AACS: variants seen among roughly 807,000 people sequenced by gnomAD.
AACS encodes acetoacetate-CoA ligase.
Under a neutral mutation model 83.1 loss-of-function variants are expected in AACS, and 69 were observed. That is an observed-to-expected ratio of 0.83 (90% CI 0.68 to 1.01). AACS has a LOEUF of 1.01. Ranked by LOEUF, AACS falls within the 50% of genes least tolerant of loss-of-function variation. AACS has a pLI of 0.00. For missense variants in AACS, 866 were observed against 882.2 expected (o/e 0.98, Z 0.23); for synonymous variants, 333 against 343.4 (o/e 0.97, Z 0.33).
chr12:125,099,382 CTT>C (rs1411205025), intron 5 of AACS, among the ~76,000 whole-genome samples: 1 of 152,204 alleles, frequency 6.6e-6, no homozygotes, highest in Non-Finnish European at 1.5e-5. Context: ...TGTGGTGCTG[CTT>C]TTTGAATAAA....
chr12:125,121,400 C>T (rs56662928), intron 10 of AACS: 19,392 of 152,126 alleles, frequency 0.13, 2,612 homozygotes, highest in African/African-American at 0.34. Context: ...AAGAGGCATG[C>T]GGGGCAGGCA....
intron 9 of AACS, among the ~76,000 whole-genome samples, chr12:125,115,842 C>A (rs1957043949): frequency 6.6e-6 from 1 of 152,034 alleles, no homozygotes; most frequent in Non-Finnish European, 1.5e-5. Context: ...GGGGGACAGA[C>A]CCCTGGGATT....
rs145556620 is a variant in AACS at position 125,141,806 on chromosome 12, G to A, written c.1882-286G>A. 8.5e-3 allele frequency: 2,948 copies of A among 345,384 alleles called. 21 individuals carry two copies. Among genetic ancestry groups the A allele is most frequent in the Non-Finnish European group, 0.012 (2,263 of 190,246 alleles). 21.4% of individuals were successfully genotyped at this position (345,384 alleles called of 1,614,324 possible). ...TTTCTCAACAGCCGTGCCAGGGGGC[G>A]GGGGTGGGGTGTGGAGAGTGTTAGA... On this transcript the variant is annotated intron_variant, in intron 17 of 17. Coordinates refer to ENST00000316519, the MANE Select transcript of AACS (RefSeq NM_023928.5).
intron 1 of AACS, among the ~76,000 whole-genome samples, chr12:125,067,954 T>C (rs1420779056): frequency 6.6e-6 from 1 of 152,172 alleles, no homozygotes; most frequent in East Asian, 1.9e-4. Flanking sequence ...ACCTGAGTCA[T>C]TGAGTGGGTG....
intron 4 of AACS, among the ~76,000 whole-genome samples, chr12:125,089,738 C>T (rs139967202): frequency 6.0e-4 from 91 of 151,998 alleles, no homozygotes; most frequent in African/African-American, 2.1e-3. Context: ...TCCTTCTCTC[C>T]ACCTACCCAT....
Position 125,103,096 on chromosome 12 carries a change from T to G in AACS, c.767+15T>G. ...ATTCCAAACAGGTAATGTACCGCAT[T>G]CTGACCCACAGGTCCGTGTGGACCC... On this transcript the variant is annotated intron_variant, in intron 7 of 17. Transcript: ENST00000316519. 1 of 1,611,280 alleles carries G rather than the reference T, an allele frequency of 6.2e-7. No individual in the cohort carries two copies. Among genetic ancestry groups the G allele is most frequent in the Non-Finnish European group, 8.5e-7 (1 of 1,178,548 alleles).
rs772557795 is a variant in AACS at position 125,065,569 on chromosome 12, G to GCCGC, written c.-10_-7dup. 4.0e-6 allele frequency: 6 copies of GCCGC among 1,501,402 alleles called. No homozygotes were observed. The Admixed American group carries it at 1.3e-4, about 34-fold the overall frequency. 93.0% of individuals were successfully genotyped at this position (1,501,402 alleles called of 1,614,324 possible). A position where few individuals can be genotyped will look rare whatever the true frequency, so the allele number is the denominator to read the frequency against. On this transcript the variant is annotated 5_prime_UTR_variant, in exon 1 of 18. Transcript: ENST00000316519. ...GTCCCCAGCCCTCGTCGCAGCCCCG[G>GCCGC]CCGCCCGCCGCCGCCATGTCCAAGG...
chr12:125,102,562 TC>T (rs1320354035), intron 5 of AACS, 116 bp from the exon 6 acceptor site: 2 of 843,942 alleles, frequency 2.4e-6, no homozygotes, highest in African/African-American at 3.3e-5. Flanking sequence ...ACTCCTGGGC[TC>T]AAGCAATCCT....
chr12:125,089,419 C>T (rs1396561285), intron 4 of AACS, among the ~76,000 whole-genome samples: 1 of 152,168 alleles, frequency 6.6e-6, no homozygotes, highest in African/African-American at 2.4e-5. Flanking sequence ...GTTCATGGCC[C>T]TTCGTCTCGT....
Position 125,140,748 on chromosome 12 carries a change from A to C in AACS, c.1882-1344A>C, listed in dbSNP as rs1487277797. The C allele has an allele frequency of 6.6e-6, 1 of 152,044 alleles. No individual in the cohort carries two copies. The highest frequency in any genetic ancestry group is 2.4e-5 in the African/African-American group (1 of 41,384). 9.4% of individuals were successfully genotyped at this position (152,044 alleles called of 1,614,324 possible). ...GAAACACATGTGCCATAAATCTTGG[A>C]GCTCTGAATGTTTGGAAAGGGCCCG... On this transcript the variant is annotated intron_variant, in intron 17 of 17. Transcript: ENST00000316519. The surrounding 1 kb of genome is among the most constrained non-coding windows in gnomAD (Gnocchi z 5.1).
chr12:125,114,658 C>T (rs1427512120), intron 9 of AACS, 101 bp downstream of exon 9: 33 of 932,142 alleles, frequency 3.5e-5, no homozygotes, highest in Non-Finnish European at 7.5e-6. Flanking sequence ...GGCGCCGGCC[C>T]GTGGCACATG....
intron 5 of AACS, among the ~76,000 whole-genome samples, chr12:125,092,221 A>G (rs1956501342): frequency 6.6e-6 from 1 of 152,226 alleles, no homozygotes; most frequent in African/African-American, 2.4e-5. Flanking sequence ...TTCAGGAGCC[A>G]TGAGAACCTG....
chr12:125,068,905 T>C (rs551538529), intron 1 of AACS, among the ~76,000 whole-genome samples: 30 of 151,662 alleles, frequency 2.0e-4, no homozygotes, highest in African/African-American at 6.8e-4. Flanking sequence ...GGTGGCGCGA[T>C]CTCGGCTTAC....
At chr12:125,128,315 G>A (rs747298633) in intron 13 of AACS, 41 bp downstream of exon 13, 1 of 1,565,572 alleles carries the variant, frequency 6.4e-7, no homozygotes, top group East Asian at 2.3e-5. Flanking sequence ...GATTAGGCGT[G>A]AGTTGGGAGT....
At chr12:125,074,843 T>C (rs1177464708) in intron 2 of AACS, among the ~76,000 whole-genome samples, 4 of 151,718 alleles carry the variant, frequency 2.6e-5, no homozygotes, top group Admixed American at 2.6e-4. Flanking sequence ...TTTGTATTTT[T>C]AGTAGAGACA....
Position 125,086,321 on chromosome 12 carries a change from T to C in AACS, c.359-9T>C, listed in dbSNP as rs745525372. 6.2e-7 allele frequency: 1 copy of C among 1,613,274 alleles called. No individual in the cohort carries two copies. Among genetic ancestry groups the C allele is most frequent in the Non-Finnish European group, 8.5e-7 (1 of 1,179,450 alleles). ...GTCTGTGTACAATTTACCCTTTTTC[T>C]CTTCCCAGGGGAAGGCAAAGAGGAA... On this transcript the variant is annotated splice_polypyrimidine_tract_variant and intron_variant, in intron 3 of 17. Transcript: ENST00000316519.
At chr12:125,101,496 A>T (rs1306014245) in intron 5 of AACS, 1 of 152,156 alleles carries the variant, frequency 6.6e-6, no homozygotes, top group East Asian at 1.9e-4. Context: ...GTTCCTCTTT[A>T]ATTGAAGATT....
chr12:125,091,644 G>T (rs879657007), intron 5 of AACS, 121 bp downstream of exon 5: 15 of 980,500 alleles, frequency 1.5e-5, no homozygotes, highest in Non-Finnish European at 2.4e-5. Context: ...GGAGGAGGTG[G>T]CGTTGCAGCT....
At chr12:125,083,543 C>G (rs951729207) in intron 3 of AACS, among the ~76,000 whole-genome samples, 1 of 151,446 alleles carries the variant, frequency 6.6e-6, no homozygotes, top group African/African-American at 2.4e-5. Flanking sequence ...GGTGGTTGAT[C>G]GTTTTTTTTT....
Sources: allele counts gnomAD v4.1 joint callset (sites outside exome capture counted in the v4.1 genomes callset), GRCh38; gene constraint gnomAD v4.1.1; non-coding constraint Gnocchi (gnomAD v3.1); transcripts MANE v1.5; gene names NCBI Gene and HGNC (gene_info 2026-07-23, HGNC 2026-07-21).